The following TAFA2 variants were observed in gnomAD, a reference collection of about 807,000 sequenced individuals.
The protein encoded by TAFA2 is chemokine-like protein TAFA-2.
In TAFA2, 7 loss-of-function variants were observed where a neutral mutation model predicts 18.8. The ratio of observed to expected loss-of-function variants is 0.37; its 90% CI spans 0.21 to 0.70. The LOEUF (loss-of-function observed/expected upper bound fraction) is 0.70. Among genes scored for constraint, TAFA2 ranks in the 30% least tolerant of loss-of-function variants. The probability of loss-of-function intolerance (pLI) is 0.53; values close to 1 mark genes in which losing one functional copy is unlikely to be tolerated. For synonymous variants in TAFA2, 60 were observed against 54.2 expected, an observed-to-expected ratio of 1.11 and a Z score of -0.47; for missense variants, 122 against 158.1, an observed-to-expected ratio of 0.77 and a Z score of 1.23.
chr12:62,059,059 CGG>C (rs1882269489), intron 1 of TAFA2, among the ~76,000 whole-genome samples: 1 of 151,760 alleles, frequency 6.6e-6, no homozygotes, highest in Non-Finnish European at 1.5e-5. Flanking sequence ...GCCGAGATCA[CGG>C]CACTGCACTC....
At chr12:62,182,652 C>T (rs567715531) in intron 1 of TAFA2, among the ~76,000 whole-genome samples, 19 of 152,166 alleles carry the variant, frequency 1.2e-4, no homozygotes, top group Non-Finnish European at 2.8e-4. Context: ...TCTGGGACTA[C>T]AGAGCCTGTT....
intron 4 of TAFA2, among the ~76,000 whole-genome samples, chr12:61,718,914 G>A (rs7299809): frequency 0.019 from 2,877 of 152,294 alleles, 100 homozygotes; most frequent in African/African-American, 0.065. Context: ...GGAGTTAGGG[G>A]TGAAGAAGAT....
rs976503589 is a variant in TAFA2, at chr12:62,052,691, A to G, written c.-2+138568T>C. Among the ~76,000 whole-genome samples the G allele has an allele frequency of 1.7e-4, 26 of 152,270 alleles. 1 individual carries two copies. In the Middle Eastern group the frequency reaches 0.017, roughly 100 times the overall value. ...CCATTAGAATGATGAAAGCTGCTCT[A>G]CCTAAATTCTAATTATTCTAGAACT... On this transcript the variant is annotated intron_variant, in intron 1 of 4. Transcript: ENST00000416284.
intron 1 of TAFA2, among the ~76,000 whole-genome samples, chr12:61,888,166 A>G (rs537263510): frequency 5.3e-4 from 80 of 152,218 alleles, no homozygotes; most frequent in African/African-American, 1.8e-3. Flanking sequence ...GTGGAAGTCA[A>G]TGTGGCGATT....
At chr12:61,906,609 G>A (rs897014291) in intron 1 of TAFA2, among the ~76,000 whole-genome samples, 7 of 152,044 alleles carry the variant, frequency 4.6e-5, no homozygotes, top group East Asian at 1.9e-4. Context: ...AAAGATACCC[G>A]AAAATGTGGA....
intron 1 of TAFA2, among the ~76,000 whole-genome samples, chr12:62,168,392 A>C (rs1439560322): frequency 6.6e-6 from 1 of 152,230 alleles, no homozygotes; most frequent in Non-Finnish European, 1.5e-5. Context: ...ATTAACCAAA[A>C]CAGAGAACAA....
intron 1 of TAFA2, among the ~76,000 whole-genome samples, chr12:61,875,071 G>A (rs1874783837): frequency 1.3e-5 from 2 of 151,978 alleles, no homozygotes; most frequent in Non-Finnish European, 2.9e-5. Context: ...ACAAATAATA[G>A]TTAAATAAAT....
intron 1 of TAFA2, among the ~76,000 whole-genome samples, chr12:62,215,020 T>G (rs978480814): frequency 6.6e-6 from 1 of 152,138 alleles, no homozygotes; most frequent in Non-Finnish European, 1.5e-5. Flanking sequence ...CTCTCCTGAC[T>G]CAAAGGGGCC....
chr12:62,213,433 A>T (rs1336566836), intron 1 of TAFA2, among the ~76,000 whole-genome samples: 1 of 152,178 alleles, frequency 6.6e-6, no homozygotes, highest in East Asian at 1.9e-4. Flanking sequence ...TCATGAGGTC[A>T]AGAGATTGAG....
chr12:62,154,113 G>A (rs2062351988), intron 1 of TAFA2, among the ~76,000 whole-genome samples: 1 of 152,110 alleles, frequency 6.6e-6, no homozygotes, highest in African/African-American at 2.4e-5. Flanking sequence ...AGGAATGCAT[G>A]TGGATAAACA....
intron 1 of TAFA2, among the ~76,000 whole-genome samples, chr12:61,976,793 G>A (rs915735996): frequency 3.3e-5 from 5 of 151,994 alleles, no homozygotes; most frequent in South Asian, 4.1e-4. Context: ...CTGTCCTTGC[G>A]ATAGTTTGCT....
intron 1 of TAFA2, among the ~76,000 whole-genome samples, chr12:62,005,410 T>C (rs566413433): frequency 2.6e-4 from 39 of 152,122 alleles, no homozygotes; most frequent in Non-Finnish European, 5.0e-4. Flanking sequence ...AATGAGATCT[T>C]AAATATAGAT....
chr12:61,984,334 A>T (rs796606480), intron 1 of TAFA2, among the ~76,000 whole-genome samples: 1 of 152,238 alleles, frequency 6.6e-6, no homozygotes, highest in Non-Finnish European at 1.5e-5. Context: ...AAGGATACAG[A>T]TGAGTAAGCT....
chr12:62,211,943 T>C (rs944689767), intron 1 of TAFA2, among the ~76,000 whole-genome samples: 5 of 152,234 alleles, frequency 3.3e-5, no homozygotes, highest in African/African-American at 1.2e-4. Flanking sequence ...AAAAGAACAA[T>C]TATAGTAACT....
chr12:62,150,304 C>A (rs1430479885), intron 1 of TAFA2, among the ~76,000 whole-genome samples: 1 of 152,128 alleles, frequency 6.6e-6, no homozygotes, highest in African/African-American at 2.4e-5. Context: ...TATTTGTAGC[C>A]TATCTCATTC....
chr12:61,858,311 T>C (rs1309163355), intron 2 of TAFA2, among the ~76,000 whole-genome samples: 1 of 152,210 alleles, frequency 6.6e-6, no homozygotes, highest in Non-Finnish European at 1.5e-5. Context: ...TAAACTGCCC[T>C]ACCACGATTG....
At chr12:61,782,759 T>G (rs1309892210) in intron 2 of TAFA2, among the ~76,000 whole-genome samples, 1 of 151,750 alleles carries the variant, frequency 6.6e-6, no homozygotes, top group Non-Finnish European at 1.5e-5. Context: ...TCACCAGGTT[T>G]CAAGTTCCTT....
chr12:62,251,129 T>C (rs1253037784), intron 1 of TAFA2, among the ~76,000 whole-genome samples: 1 of 152,204 alleles, frequency 6.6e-6, no homozygotes, highest in Non-Finnish European at 1.5e-5. Flanking sequence ...TGGCACTGGC[T>C]TTGGGAATGG....
At chr12:61,784,337 T>C (rs1290242232) in intron 2 of TAFA2, among the ~76,000 whole-genome samples, 9 of 151,414 alleles carry the variant, frequency 5.9e-5, no homozygotes, top group African/African-American at 1.2e-4. Flanking sequence ...TCTGGGAGCA[T>C]AGTACTGCCA....
Sources: gnomAD v4.1 joint callset for allele counts (sites outside exome capture counted in the v4.1 genomes callset) on GRCh38, gnomAD v4.1.1 for gene constraint, MANE v1.5 for transcripts, NCBI Gene and HGNC (gene_info 2026-07-23, HGNC 2026-07-21) for gene names.